The following RGS3 variants were observed in gnomAD, a reference collection of about 807,000 sequenced individuals.
RGS3 encodes regulator of G-protein signalling 3.
RGS3 carries 80 observed loss-of-function variants against 132.6 expected under a neutral mutation model. The observed-to-expected ratio is 0.60, with a 90% confidence interval of 0.50 to 0.73. The LOEUF (loss-of-function observed/expected upper bound fraction) is 0.73, where lower values mean the gene tolerates loss of function less well. RGS3 is among the 30% of genes least tolerant of loss of function. The pLI, the probability that RGS3 is intolerant of heterozygous loss-of-function variation, is 0.00. For synonymous variants in RGS3, 598 were observed against 620.6 expected (o/e 0.96, Z 0.54); for missense variants, 1,382 against 1,530.8 (o/e 0.90, Z 1.62).
chr9:113,445,274 C>G (rs569840970), intron 1 of RGS3, among the ~76,000 whole-genome samples: 1 of 151,672 alleles, frequency 6.6e-6, no homozygotes. Flanking sequence ...CTCGGCTCAC[C>G]GAAACCTCCG....
At chr9:113,529,134 TG>T in intron 17 of RGS3, 86 bp from the exon 16 acceptor site, 1 of 1,036,484 alleles carries the variant, frequency 9.6e-7, no homozygotes, top group Non-Finnish European at 1.5e-6. Flanking sequence ...CACAGCCTTC[TG>T]GGCAAGACAG....
intron 7 of RGS3, among the ~76,000 whole-genome samples, chr9:113,488,613 G>A (rs985312782): frequency 2.0e-5 from 3 of 152,170 alleles, no homozygotes; most frequent in African/African-American, 7.2e-5. Flanking sequence ...CATGGCTTTT[G>A]GAAAAGAAAA....
intron 14 of RGS3, among the ~76,000 whole-genome samples, chr9:113,513,742 AGCTTGTGC>A (rs1014356413): frequency 6.6e-6 from 1 of 152,206 alleles, no homozygotes; most frequent in African/African-American, 2.4e-5. Context: ...CTGGCTTTGA[AGCTTGTGC>A]GCTTTCCTGT....
chr9:113,522,987 C>A (rs138006273), exon 17 of RGS3: 1 of 1,613,992 alleles, frequency 6.2e-7, no homozygotes, highest in African/African-American at 1.3e-5. Context: ...CGAGCCTGGC[C>A]GCTGCGACGT....
In RGS3 at chr9:113,505,425, G is replaced by A. The variant is rs1316890094; in HGVS notation, c.898-17G>A. The A allele has an allele frequency of 3.1e-6, 5 of 1,612,936 alleles. No homozygotes were observed. The highest frequency in any genetic ancestry group is 2.2e-5 in the East Asian group (1 of 44,882). ...GCCTCCAGCTTCTGGCAGTGACCGG[G>A]CAGGGCTGTGTCCTAGATCACCATC... On this transcript the variant is annotated splice_polypyrimidine_tract_variant and intron_variant, in intron 10 of 24. Transcript: ENST00000350696.
chr9:113,530,635 G>C (rs932326021), intron 18 of RGS3, among the ~76,000 whole-genome samples: 3 of 152,236 alleles, frequency 2.0e-5, no homozygotes, highest in Admixed American at 1.3e-4. Flanking sequence ...CTTCCTTCCA[G>C]GTTGGGTTAG....
In RGS3 at chr9:113,473,156, G is replaced by C. The variant is rs1457392155; in HGVS notation, c.416-6335G>C. 2.0e-5 allele frequency among the ~76,000 whole-genome samples: 3 copies of C among 152,194 alleles called. No homozygotes were observed. The South Asian group carries it at 6.2e-4, about 31-fold the overall frequency. ...ATCCTAATGTTGAAAGTCATCCACT[G>C]TCATTTCTACCACATTCTATTTGTT... On this transcript the variant is annotated intron_variant, in intron 3 of 24. Coordinates refer to ENST00000350696, the Ensembl canonical transcript of RGS3.
rs76080150 is a variant in RGS3, at chr9:113,446,137, T to G, written c.-13+1210T>G. ...TACCTCTGGCCTTAGATAGAAATGA[T>G]TAGAAGGTCCTTCTTAGATAGAAAT... On this transcript the variant is annotated intron_variant, in intron 1 of 25. Transcript: ENST00000374140. Among the ~76,000 whole-genome samples, 412 of 152,296 alleles carry G rather than the reference T, an allele frequency of 2.7e-3. 1 individual carries two copies. Among genetic ancestry groups the G allele is most frequent in the African/African-American group, 9.6e-3 (398 of 41,570 alleles).
intron 19 of RGS3, among the ~76,000 whole-genome samples, chr9:113,563,219 C>T (rs883025): frequency 0.16 from 24,172 of 152,146 alleles, 2,065 homozygotes; most frequent in African/African-American, 0.2. Flanking sequence ...CAGCATAGGG[C>T]GTAATTTTGG....
At chr9:113,540,152 T>TG (rs1031881180) in intron 19 of RGS3, among the ~76,000 whole-genome samples, 4 of 151,978 alleles carry the variant, frequency 2.6e-5, no homozygotes, top group African/African-American at 9.7e-5. Context: ...TATCTGTAGC[T>TG]GGGGGGCGCC....
In RGS3 at chr9:113,507,702, TGAA is replaced by T; in HGVS notation, c.1437+67_1437+69del. On this transcript the variant is annotated intron_variant, in intron 13 of 24. Transcript: ENST00000350696. The surrounding 1 kb of genome is among the most constrained non-coding windows in gnomAD (Gnocchi z 5.0). ...GTCCCTGTGGGAGGCCAGGAAGACT[TGAA>T]GACCCAAAGTTGTGTGATGAGCAGC... 7.5e-7 allele frequency: 1 copy of T among 1,333,306 alleles called. No homozygotes were observed. The highest frequency in any genetic ancestry group is 1.0e-6 in the Non-Finnish European group (1 of 1,002,974). The allele number at this position is 1,333,306 out of a possible 1,614,324, so 82.6% of individuals were successfully genotyped here.
chr9:113,586,172 G>A (rs530658639), intron 20 of RGS3, among the ~76,000 whole-genome samples: 2 of 152,118 alleles, frequency 1.3e-5, no homozygotes, highest in South Asian at 2.1e-4. Context: ...GAGAGAGTCC[G>A]GAACGCTGTC....
intron 19 of RGS3, chr9:113,541,314 C>G: frequency 1.9e-6 from 3 of 1,612,468 alleles, no homozygotes; most frequent in Non-Finnish European, 2.5e-6. Flanking sequence ...CTGTCTGGTT[C>G]CACAGAAACT....
At chr9:113,497,444 GC>G in intron 9 of RGS3, 40 bp downstream of exon 7, 4 of 1,525,450 alleles carry the variant, frequency 2.6e-6, no homozygotes, top group Non-Finnish European at 3.6e-6. Flanking sequence ...CCCAGGACCT[GC>G]CCCCTCCCTC....
At position 113,565,913 on chromosome 9, in the gene RGS3, G is replaced by GTGTGTGTC. The variant is rs1381769881; in HGVS notation, c.2038-17534_2038-17533insGTGTCTGT. On this transcript the variant is annotated intron_variant, in intron 19 of 24. Transcript: ENST00000350696. The surrounding 1 kb of genome is among the most constrained non-coding windows in gnomAD (Gnocchi z 5.7). ...TGTGTGTGTGTGTGTGTGTGTGTGT[G>GTGTGTGTC]TGTCTGTCTGTCTGTCTGTCTCAGG... Among the ~76,000 whole-genome samples the GTGTGTGTC allele has an allele frequency of 9.8e-3, 1,412 of 144,414 alleles. 24 individuals are homozygous for GTGTGTGTC. Among genetic ancestry groups the GTGTGTGTC allele is most frequent in the African/African-American group, 0.035 (1,344 of 38,460 alleles). 94.7% of individuals were successfully genotyped at this position (144,414 alleles called of 152,430 possible).
chr9:113,514,484 T>A (rs1831554524), exon 15 of RGS3: 5 of 1,614,006 alleles, frequency 3.1e-6, no homozygotes, highest in Non-Finnish European at 3.4e-6. Context: ...TAAAGGGAAG[T>A]CCTACACAGG....
chr9:113,596,792 G>A lies in RGS3; in HGVS notation c.3436G>A (p.Glu1146Lys), dbSNP rs747115652. The A allele has an allele frequency of 6.2e-6, 10 of 1,612,444 alleles. No homozygotes were observed. The highest frequency in any genetic ancestry group is 7.6e-6 in the Non-Finnish European group (9 of 1,179,460). The change falls in exon 25 of 25, where the codon GAG becomes AAG. Residue 1146 changes from glutamate to lysine, a missense_variant. Glu to Lys is a moderately conservative substitution (Grantham distance 56). Coordinates refer to ENST00000350696, the Ensembl canonical transcript of RGS3. ...GGTCAACCTGGACTCCTACACGCGG[G>A]AGCACACCAAGGACAACCTGCAGAG...
intron 7 of RGS3, among the ~76,000 whole-genome samples, chr9:113,487,041 A>T (rs913937443): frequency 7.0e-6 from 1 of 143,680 alleles, no homozygotes; most frequent in Non-Finnish European, 1.6e-5. Context: ...AACAATAGCA[A>T]TTGCTGACTG....
upstream of RGS3, among the ~76,000 whole-genome samples, chr9:113,455,605 T>G (rs995900480): frequency 2.6e-5 from 4 of 152,208 alleles, no homozygotes; most frequent in Non-Finnish European, 4.4e-5. Flanking sequence ...CTTGAAATCT[T>G]GAATCTTTTA....
Sources: allele counts gnomAD v4.1 joint callset (sites outside exome capture counted in the v4.1 genomes callset), GRCh38; gene constraint gnomAD v4.1.1; non-coding constraint Gnocchi (gnomAD v3.1); transcripts MANE v1.5; gene names NCBI Gene and HGNC (gene_info 2026-07-23, HGNC 2026-07-21).